The following SPEF2 variants were observed in gnomAD, a reference collection of about 807,000 sequenced individuals.
SPEF2 encodes sperm flagella and cilia-associated protein 2.
A neutral mutation model predicts 224.6 loss-of-function variants in SPEF2; 187 were observed. The observed-to-expected ratio is 0.83, with a 90% CI of 0.74 to 0.94. SPEF2 has a LOEUF of 0.94. Among genes scored for constraint, SPEF2 ranks in the 40% least tolerant of loss-of-function variants. The pLI, the probability that SPEF2 is intolerant of heterozygous loss-of-function variation, is 0.00. For missense variants in SPEF2, 2,170 were observed against 2,135.6 expected, an observed-to-expected ratio of 1.02 and a Z score of -0.32; for synonymous variants, 715 against 707.3, an observed-to-expected ratio of 1.01 and a Z score of -0.17.
intron 7 of SPEF2, among the ~76,000 whole-genome samples, chr5:35,658,440 A>G (rs1434231701): frequency 1.3e-5 from 2 of 152,178 alleles, no homozygotes; most frequent in Non-Finnish European, 2.9e-5. Context: ...TGGTATTGTG[A>G]TATCCTCACG....
At chr5:35,790,924 G>A (rs1371136771) in intron 30 of SPEF2, 1 of 152,162 alleles carries the variant, frequency 6.6e-6, no homozygotes, top group Admixed American at 6.5e-5. Flanking sequence ...CACATTTCAT[G>A]CTAAATCCTC....
intron 30 of SPEF2, chr5:35,791,404 G>T (rs1247258434): frequency 6.6e-6 from 1 of 152,136 alleles, no homozygotes; most frequent in African/African-American, 2.4e-5. Flanking sequence ...TAGAGGAAAT[G>T]ATAAAGTTCA....
At chr5:35,708,632 TCACCTCTACCAGCACCTCCACCAC>T (rs1740387478) in intron 18 of SPEF2, among the ~76,000 whole-genome samples, 2 of 3,276 alleles carry the variant, frequency 6.1e-4, no homozygotes, top group Non-Finnish European at 1.5e-3. Context: ...TCCACCACCA[TCACCTCTACCAGCACCTCCACCAC>T]CACTACCACC....
intron 10 of SPEF2, among the ~76,000 whole-genome samples, chr5:35,688,062 T>A (rs1192740410): frequency 2.0e-5 from 3 of 152,128 alleles, no homozygotes; most frequent in African/African-American, 7.2e-5. Flanking sequence ...GCTCAAGAAG[T>A]AGGCTCAAGG....
chr5:35,812,143 A>G (rs976312399), intron 36 of SPEF2, among the ~76,000 whole-genome samples: 1 of 152,054 alleles, frequency 6.6e-6, no homozygotes, highest in African/African-American at 2.4e-5. Flanking sequence ...ACCTACTTCT[A>G]CTACTGCTGG....
chr5:35,700,790 G>A, intron 16 of SPEF2, 38 bp downstream of exon 16: 1 of 1,601,642 alleles, frequency 6.2e-7, no homozygotes, highest in Non-Finnish European at 8.5e-7. Context: ...TTTTTACAAT[G>A]AAAACTCTTT....
At chr5:35,677,905 C>T (rs1214507403) in intron 10 of SPEF2, among the ~76,000 whole-genome samples, 4 of 152,270 alleles carry the variant, frequency 2.6e-5, no homozygotes, top group East Asian at 1.9e-4. Flanking sequence ...TGTAGCTCAG[C>T]GTTTCTGAAA....
intron 33 of SPEF2, among the ~76,000 whole-genome samples, chr5:35,798,437 T>C (rs1756979715): frequency 6.6e-6 from 1 of 152,104 alleles, no homozygotes. Context: ...GTCATGCTCT[T>C]CCCCTGGATG....
Position 35,654,708 on chromosome 5 carries a change from A to G in SPEF2, c.960A>G (p.Ile320Met), listed in dbSNP as rs1748719674. ...GGAAATTGTTAATGGACCAGTTAAT[A>G]GCCCACGAAGCACAAGAGGTAAGAT... ...RRRKLLMDQL[I>M]AHEAQEEAYR... is the part of the protein sequence containing the mutation. Residue 320 changes from isoleucine (I) to methionine (M), a missense_variant, in exon 7 of 37, where the codon ATA becomes ATG. By Grantham distance (10) the Ile-to-Met change is conservative. Coordinates refer to ENST00000356031, the MANE Select transcript of SPEF2 (RefSeq NM_024867.4). The G allele has an allele frequency of 1.2e-6, 2 of 1,606,358 alleles. No homozygotes were observed. The highest frequency in any genetic ancestry group is 1.7e-6 in the Non-Finnish European group (2 of 1,178,312).
At position 35,751,036 on chromosome 5, in the gene SPEF2, CACATATGT is replaced by C. The variant is rs1231688038; in HGVS notation, c.3331-2586_3331-2579del. On this transcript the variant is annotated intron_variant, in intron 23 of 36. Coordinates refer to ENST00000356031, the MANE Select transcript of SPEF2 (RefSeq NM_024867.4). ...ACGTATATATATACGTATATATATA[CACATATGT>C]ATATATATATACGTATATATATGTA... Among the ~76,000 whole-genome samples, 20 of 26,620 alleles carry C rather than the reference CACATATGT, an allele frequency of 7.5e-4. 1 individual carries two copies. The highest frequency in any genetic ancestry group is 2.0e-3 in the African/African-American group (20 of 9,978). The allele number at this position is 26,620 out of a possible 152,430, so 17.5% of individuals were successfully genotyped here.
chr5:35,781,179 G>C (rs1349868439), intron 30 of SPEF2: 1 of 151,444 alleles, frequency 6.6e-6, no homozygotes, highest in Non-Finnish European at 1.5e-5. Flanking sequence ...TAAAAGCAGA[G>C]TAAAAGGAAA....
intron 23 of SPEF2, among the ~76,000 whole-genome samples, chr5:35,742,106 A>G (rs1423845826): frequency 6.6e-6 from 1 of 152,232 alleles, no homozygotes. Flanking sequence ...ATTCTTTTTA[A>G]GTCAATAGAA....
intron 23 of SPEF2, among the ~76,000 whole-genome samples, chr5:35,753,358 G>A (rs1227039969): frequency 1.3e-5 from 2 of 151,868 alleles, no homozygotes; most frequent in African/African-American, 4.8e-5. Flanking sequence ...ATAAAACATA[G>A]CCATTCATGA....
chr5:35,807,688 C>CAA, intron 36 of SPEF2: 1 of 1,536,058 alleles, frequency 6.5e-7, no homozygotes, highest in Non-Finnish European at 8.7e-7. Context: ...AAAGGTTGGG[C>CAA]ACCACTTCCA....
chr5:35,697,577 A>G (rs1755513649), intron 14 of SPEF2, 113 bp from the exon 15 acceptor site: 1 of 775,048 alleles, frequency 1.3e-6, no homozygotes, highest in Non-Finnish European at 2.1e-6. Flanking sequence ...ACTGTGCCAC[A>G]TGATCAGTGT....
At chr5:35,795,320 T>C (rs537213398) in intron 32 of SPEF2, among the ~76,000 whole-genome samples, 42 of 152,266 alleles carry the variant, frequency 2.8e-4, no homozygotes, top group African/African-American at 9.6e-4. Flanking sequence ...CTATTTTTAA[T>C]GGGGGCACAG....
Position 35,691,151 on chromosome 5 carries a change from C to G in SPEF2, c.1639C>G (p.Arg547Gly), listed in dbSNP as rs769772873. ...HRLAEKSLPP[R>G]AESTTPELPS... The stretch of plus-strand genomic sequence containing the variant: ...GCTAGCTGAAAAATCTCTTCCTCCT[C>G]GAGCGGAATCAACAACACCTGAATT... The change falls in exon 11 of 37, where the codon CGA becomes GGA. Residue 547 changes from arginine (R) to glycine (G), a missense_variant. By Grantham distance (125) the Arg-to-Gly change is moderately radical. Transcript: ENST00000356031. 1 of 1,614,004 alleles carries G rather than the reference C, an allele frequency of 6.2e-7. No homozygotes were observed. Among genetic ancestry groups the G allele is most frequent in the East Asian group, 2.2e-5 (1 of 44,860 alleles).
chr5:35,709,343 C>G, intron 19 of SPEF2: 1 of 1,367,042 alleles, frequency 7.3e-7, no homozygotes. Flanking sequence ...ATGGAGTCAT[C>G]ACACCTAGGT....
intron 25 of SPEF2, among the ~76,000 whole-genome samples, chr5:35,760,467 T>C (rs1751108914): frequency 6.6e-6 from 1 of 152,036 alleles, no homozygotes; most frequent in Non-Finnish European, 1.5e-5. Context: ...AAATGGAAGG[T>C]GTTTTGAGTC....
Sources: gnomAD v4.1 joint callset for allele counts (sites outside exome capture counted in the v4.1 genomes callset) on GRCh38, gnomAD v4.1.1 for gene constraint, MANE v1.5 for transcripts, NCBI Gene and HGNC (gene_info 2026-07-23, HGNC 2026-07-21) for gene names.